NRG1: variants seen among roughly 807,000 people sequenced by gnomAD.
NRG1 encodes the protein neuregulin 1.
NRG1 carries 18 observed loss-of-function variants against 63.8 expected under a neutral mutation model. The observed-to-expected ratio is 0.28, with a 90% CI of 0.19 to 0.42. The LOEUF is 0.42. Ranked by LOEUF, NRG1 falls within the 10% of genes least tolerant of loss-of-function variation. The probability of loss-of-function intolerance (pLI) is 1.00; values close to 1 mark genes in which losing one functional copy is unlikely to be tolerated. For missense variants in NRG1, 762 were observed against 814.7 expected (o/e 0.94, Z 0.79); for synonymous variants, 302 against 301.3 (o/e 1.00, Z -0.02).
intron 1 of NRG1, among the ~76,000 whole-genome samples, chr8:32,185,594 C>T (rs557777210): frequency 3.7e-4 from 57 of 152,180 alleles, no homozygotes; most frequent in African/African-American, 1.3e-3. Context: ...AACAGTAGTC[C>T]GGGCAGTCTA....
intron 4 of NRG1, among the ~76,000 whole-genome samples, chr8:32,616,025 A>T (rs1456648865): frequency 6.6e-6 from 1 of 152,142 alleles, no homozygotes; most frequent in African/African-American, 2.4e-5. Context: ...TGGGAAATTG[A>T]CTATAACTAT....
intron 2 of NRG1, among the ~76,000 whole-genome samples, chr8:32,602,082 G>A (rs149355762): frequency 1.2e-3 from 181 of 152,156 alleles, no homozygotes; most frequent in South Asian, 2.1e-3. Flanking sequence ...TTGATGTTCT[G>A]TCTTAGGATT....
chr8:31,736,526 A>G (rs1814682513), intron 1 of NRG1, among the ~76,000 whole-genome samples: 1 of 152,154 alleles, frequency 6.6e-6, no homozygotes, highest in Non-Finnish European at 1.5e-5. Context: ...ATAATTGGGT[A>G]GTAGACCCAA....
At position 32,567,134 on chromosome 8, in the gene NRG1, G is replaced by A. The variant is rs991133320; in HGVS notation, c.100+18308G>A. Among the ~76,000 whole-genome samples, 4 of 152,266 alleles carry A rather than the reference G, an allele frequency of 2.6e-5. No individual in the cohort carries two copies. The South Asian group carries it at 6.2e-4, about 24-fold the overall frequency. On this transcript the variant is annotated intron_variant, in intron 1 of 11. Coordinates refer to ENST00000356819, the Ensembl canonical transcript of NRG1. ...ATTACAGGCATGAGCCACTGCACCT[G>A]GCCAGTAGCATTCTTTGGATGAATT... is the stretch of plus-strand genomic sequence containing the variant.
intron 1 of NRG1, among the ~76,000 whole-genome samples, chr8:32,496,729 A>T (rs1353382263): frequency 6.6e-6 from 1 of 152,222 alleles, no homozygotes; most frequent in Non-Finnish European, 1.5e-5. Context: ...TATATATATT[A>T]GGTCCCAATG....
rs986369444 is a variant in NRG1, at chr8:32,698,082, T to C, written c.503-29867T>C. On this transcript the variant is annotated intron_variant, in intron 5 of 11. Transcript: ENST00000356819. ...TTAGCTGAGCATGGTGGCACATGCCTGTAGTCCCAGCTACTCGGGAGGCTG... is the reference window on the plus strand; with the variant it reads ...TTAGCTGAGCATGGTGGCACATGCCCGTAGTCCCAGCTACTCGGGAGGCTG... Among the ~76,000 whole-genome samples the C allele has an allele frequency of 3.9e-5, 6 of 152,188 alleles. No individual in the cohort carries two copies. In the South Asian group the frequency reaches 1.2e-3, roughly 32 times the overall value.
intron 1 of NRG1, among the ~76,000 whole-genome samples, chr8:32,082,295 T>G (rs1827580386): frequency 6.6e-6 from 1 of 152,010 alleles, no homozygotes; most frequent in Admixed American, 6.6e-5. Context: ...TAATACAGGT[T>G]ACTTCATCAC....
At chr8:32,131,986 A>C (rs1175379452) in intron 1 of NRG1, among the ~76,000 whole-genome samples, 4 of 152,088 alleles carry the variant, frequency 2.6e-5, no homozygotes, top group Non-Finnish European at 5.9e-5. Flanking sequence ...ATTTAAAGGC[A>C]GAGGTTTTTT....
At chr8:32,473,859 A>T (rs888490324) in intron 1 of NRG1, among the ~76,000 whole-genome samples, 52 of 151,756 alleles carry the variant, frequency 3.4e-4, no homozygotes, top group Admixed American at 3.3e-3. Context: ...ACATTTTTAA[A>T]TTTTTTTCTA....
intron 1 of NRG1, among the ~76,000 whole-genome samples, chr8:32,259,857 C>A (rs144349469): frequency 6.6e-6 from 1 of 152,088 alleles, no homozygotes; most frequent in African/African-American, 2.4e-5. Context: ...TTTCTTTACA[C>A]CTCTCTCCTT....
At chr8:31,739,100 C>T (rs146309811) in intron 1 of NRG1, among the ~76,000 whole-genome samples, 92 of 152,156 alleles carry the variant, frequency 6.0e-4, no homozygotes, top group East Asian at 5.6e-3. Context: ...GATGCAAAGA[C>T]GTTTGTCTTC....
At chr8:32,743,597 A>ATATATATATATATATATATAT (rs1335040311) in intron 7 of NRG1, among the ~76,000 whole-genome samples, 13 of 37,020 alleles carry the variant, frequency 3.5e-4, no homozygotes, top group Admixed American at 6.3e-4. Flanking sequence ...TATATATATA[A>ATATATATATATATATATATAT]AACTTAATAA....
chr8:32,104,754 A>C (rs1275650463), intron 1 of NRG1, among the ~76,000 whole-genome samples: 2 of 152,166 alleles, frequency 1.3e-5, no homozygotes, highest in Non-Finnish European at 2.9e-5. Flanking sequence ...ACACAGGGTC[A>C]GGATTGTCAG....
chr8:32,181,991 C>A (rs1169003305), intron 1 of NRG1, among the ~76,000 whole-genome samples: 3 of 152,144 alleles, frequency 2.0e-5, no homozygotes, highest in African/African-American at 7.2e-5. Context: ...TTAAACTTAT[C>A]AGTAAGTAGC....
chr8:32,499,743 G>T (rs1050661159), intron 1 of NRG1, among the ~76,000 whole-genome samples: 1 of 152,138 alleles, frequency 6.6e-6, no homozygotes, highest in African/African-American at 2.4e-5. Context: ...GATAACAGGG[G>T]CAGTCTCAGT....
At chr8:32,722,025 G>GC (rs1820777338) in intron 5 of NRG1, 1 of 1,548,130 alleles carries the variant, frequency 6.5e-7, no homozygotes, top group African/African-American at 1.4e-5. Context: ...AAACACATAA[G>GC]CATTGAAGAT....
At chr8:31,706,736 G>A (rs1003856026) in intron 1 of NRG1, among the ~76,000 whole-genome samples, 2 of 152,178 alleles carry the variant, frequency 1.3e-5, no homozygotes, top group African/African-American at 4.8e-5. Flanking sequence ...TTTTGCCAAT[G>A]TGATAAATAC....
At chr8:31,887,728 A>G (rs1341066246) in intron 1 of NRG1, among the ~76,000 whole-genome samples, 1 of 152,098 alleles carries the variant, frequency 6.6e-6, no homozygotes, top group African/African-American at 2.4e-5. Context: ...CTTTAATGAT[A>G]GGAGTCAAAT....
At chr8:32,378,303 A>C (rs980053668) in intron 1 of NRG1, among the ~76,000 whole-genome samples, 2 of 152,208 alleles carry the variant, frequency 1.3e-5, no homozygotes, top group African/African-American at 2.4e-5. Context: ...TGCATTGTAC[A>C]GGACTTTTAC....
Sources: allele counts gnomAD v4.1 joint callset (sites outside exome capture counted in the v4.1 genomes callset), GRCh38; gene constraint gnomAD v4.1.1; transcripts MANE v1.5; gene names NCBI Gene and HGNC (gene_info 2026-07-23, HGNC 2026-07-21).